The following KCNJ14 variants were observed in gnomAD, a reference collection of about 807,000 sequenced individuals.
The protein encoded by KCNJ14 is potassium inwardly rectifying channel subfamily J member 14.
In KCNJ14, 18 loss-of-function variants were observed where a neutral mutation model predicts 24.5. That is an observed-to-expected ratio of 0.74 (90% CI 0.51 to 1.09). The LOEUF (loss-of-function observed/expected upper bound fraction) is 1.09, where lower values mean the gene tolerates loss of function less well. KCNJ14 is among the 50% of genes least tolerant of loss of function. The pLI is 0.00. For synonymous variants in KCNJ14, 288 were observed against 270.8 expected (o/e 1.06, Z -0.63); for missense variants, 633 against 623.0 (o/e 1.02, Z -0.17).
chr19:48,455,615 A>T lies in KCNJ14; in HGVS notation c.-299A>T, dbSNP rs1203450831. 6.6e-6 allele frequency: 1 copy of T among 152,176 alleles called. No individual in the cohort carries two copies. Among genetic ancestry groups the T allele is most frequent in the African/African-American group, 2.4e-5 (1 of 41,428 alleles). 9.4% of individuals were successfully genotyped at this position (152,176 alleles called of 1,614,324 possible). A position where few individuals can be genotyped will look rare whatever the true frequency, so the allele number is the denominator to read the frequency against. ...GGGAGCTGGGCCATGTTGGCCGCAG[A>T]TGGCCCCCTGGTGAAGGTTCCCGTT... is the stretch of plus-strand genomic sequence containing the variant. On this transcript the variant is annotated 5_prime_UTR_variant, in exon 1 of 3. It removes an upstream start codon present in the reference 5' UTR. Transcript: ENST00000342291.
At chr19:48,463,686 T>G (rs1971625588) in intron 2 of KCNJ14, among the ~76,000 whole-genome samples, 1 of 152,184 alleles carries the variant, frequency 6.6e-6, no homozygotes, top group South Asian at 2.1e-4. Flanking sequence ...GATTTATCTT[T>G]CTCTGGCCAC....
In KCNJ14 at chr19:48,462,351, C is replaced by T. The variant is rs1971611033; in HGVS notation, c.627C>T (p.Arg209=). 2.6e-6 allele frequency: 4 copies of T among 1,541,986 alleles called. No individual in the cohort carries two copies. Among genetic ancestry groups the T allele is most frequent in the Middle Eastern group, 1.9e-4 (1 of 5,318 alleles). ...VFSENAVVAL[R]DHRLCLMWRV... ...GCGAGAACGCCGTCGTGGCGCTGCG[C>T]GACCACCGCCTCTGCCTCATGTGGC... The change falls in exon 2 of 3, where the codon CGC becomes CGT. Residue 209 remains arginine (R), a synonymous_variant. Coordinates refer to ENST00000342291, the MANE Select transcript of KCNJ14 (RefSeq NM_013348.4). This position sits in a 1 kb window ranked among gnomAD's most constrained non-coding sequence, Gnocchi z 4.9.
In KCNJ14 at chr19:48,464,297, G is replaced by T. The variant is rs949961054; in HGVS notation, c.831G>T (p.Glu277Asp). ...FLVSPITIVH[E>D]IDSASPLYEL... Reference sequence around the variant, plus strand: ...TGTCCCCCATCACCATCGTCCATGAGATCGACTCTGCCAGTCCTCTGTATG... The same window carrying T: ...TGTCCCCCATCACCATCGTCCATGATATCGACTCTGCCAGTCCTCTGTATG... Residue 277 changes from glutamate to aspartate, a missense_variant, in exon 3 of 3, where the codon GAG becomes GAT. Physicochemically the swap from Glu to Asp is conservative, Grantham distance 45. Transcript: ENST00000342291. The T allele has an allele frequency of 3.7e-6, 6 of 1,613,970 alleles. No individual in the cohort carries two copies. The highest frequency in any genetic ancestry group is 5.1e-6 in the Non-Finnish European group (6 of 1,179,972).
chr19:48,462,549 C>T lies in KCNJ14; in HGVS notation c.714+111C>T. ...CTGGAGGGGGCGTGGACTACAACTC[C>T]CAGCAGCCTCTTGGGCCTGGGGCCT... On this transcript the variant is annotated intron_variant, in intron 2 of 2. Transcript: ENST00000342291. The surrounding 1 kb of genome is among the most constrained non-coding windows in gnomAD (Gnocchi z 4.9). 1 of 794,036 alleles carries T rather than the reference C, an allele frequency of 1.3e-6. No homozygotes were observed. Among genetic ancestry groups the T allele is most frequent in the Middle Eastern group, 3.7e-4 (1 of 2,698 alleles). The allele number at this position is 794,036 out of a possible 1,614,324, so 49.2% of individuals were successfully genotyped here.
intron 1 of KCNJ14, among the ~76,000 whole-genome samples, chr19:48,459,240 CAAAAAAAA>C (rs748195965): frequency 1.7e-5 from 1 of 59,200 alleles, no homozygotes; most frequent in Non-Finnish European, 3.7e-5. Flanking sequence ...ACTCCGTCTC[CAAAAAAAA>C]AAAAAAAAAA....
In KCNJ14 at chr19:48,464,461, A is replaced by T; in HGVS notation, c.995A>T (p.Glu332Val). The T allele has an allele frequency of 1.2e-6, 2 of 1,613,878 alleles. No individual in the cohort carries two copies. Among genetic ancestry groups the T allele is most frequent in the African/African-American group, 1.3e-5 (1 of 74,954 alleles). The change falls in exon 3 of 3, where the codon GAG (glutamate) becomes GTG (valine). Residue 332 changes from glutamate to valine, a missense_variant. Physicochemically the swap from Glu to Val is moderately radical, Grantham distance 121 (BLOSUM62 -2). Coordinates refer to ENST00000342291, the MANE Select transcript of KCNJ14 (RefSeq NM_013348.4). The stretch of plus-strand genomic sequence containing the variant: ...GAACTGCTCTGGGGCCATCGTTTTG[A>T]GCCAGTTCTCTTCCAGCGTGGCTCC... Reference protein sequence around the residue: ...PGELLWGHRFEPVLFQRGSQY... With the variant: ...PGELLWGHRFVPVLFQRGSQY...
At chr19:48,459,188 C>T (rs1329309250) in intron 1 of KCNJ14, among the ~76,000 whole-genome samples, 13 of 129,556 alleles carry the variant, frequency 1.0e-4, no homozygotes, top group South Asian at 7.7e-4. Flanking sequence ...TGCAGTGAGC[C>T]GAGATGGCGC....
intron 1 of KCNJ14, among the ~76,000 whole-genome samples, chr19:48,457,508 A>C (rs1971552247): frequency 6.6e-6 from 1 of 152,216 alleles, no homozygotes; most frequent in Admixed American, 6.5e-5. Context: ...CTTACAATGG[A>C]GGAAACCGAG....
chr19:48,457,875 G>A lies in KCNJ14; in HGVS notation c.-56+2017G>A, dbSNP rs552130090. On this transcript the variant is annotated intron_variant, in intron 1 of 2. Transcript: ENST00000342291. Reference sequence around the variant, plus strand: ...AATTTTTGTTATTTTTAGTGGAGACGGGGTTTCACCATGTTGGCCAAGCTG... The same window carrying A: ...AATTTTTGTTATTTTTAGTGGAGACAGGGTTTCACCATGTTGGCCAAGCTG... Among the ~76,000 whole-genome samples, 30 of 152,046 alleles carry A rather than the reference G, an allele frequency of 2.0e-4. No homozygotes were observed. The South Asian group carries it at 3.9e-3, about 20-fold the overall frequency.
chr19:48,457,270 C>T (rs998173193), intron 1 of KCNJ14, among the ~76,000 whole-genome samples: 1 of 152,152 alleles, frequency 6.6e-6, no homozygotes, highest in African/African-American at 2.4e-5. Context: ...GCCACCATGC[C>T]CAGCCCCCAG....
At position 48,466,970 on chromosome 19, in the gene KCNJ14, TG is replaced by T. The variant is rs1380290179; in HGVS notation, c.*2196del. The T allele has an allele frequency of 6.6e-6, 1 of 152,210 alleles. No individual in the cohort carries two copies. Among genetic ancestry groups the T allele is most frequent in the Admixed American group, 6.5e-5 (1 of 15,282 alleles). 9.4% of individuals were successfully genotyped at this position (152,210 alleles called of 1,614,324 possible). A position where few individuals can be genotyped will look rare whatever the true frequency, so the allele number is the denominator to read the frequency against. ...AGACCTGTCCCCCAGATTAAAGAAC[TG>T]GGAGCCCTAGCGGATGTGTCTGCGA... is the stretch of plus-strand genomic sequence containing the variant. On this transcript the variant is annotated 3_prime_UTR_variant, in exon 3 of 3. Transcript: ENST00000342291.
chr19:48,464,617 C>T lies in KCNJ14; in HGVS notation c.1151C>T (p.Ser384Phe), dbSNP rs1218371177. The T allele has an allele frequency of 3.1e-6, 5 of 1,614,152 alleles. No individual in the cohort carries two copies. The highest frequency in any genetic ancestry group is 1.7e-5 in the Admixed American group (1 of 60,024). The part of the protein sequence containing the change: ...SHSLKSSFPG[S>F]LTAFCYENEL... Reference sequence around the variant, plus strand: ...AGCCTCAAGTCTAGTTTCCCCGGCTCTCTGACTGCATTTTGTTATGAGAAT... The same window carrying T: ...AGCCTCAAGTCTAGTTTCCCCGGCTTTCTGACTGCATTTTGTTATGAGAAT... Residue 384 changes from serine to phenylalanine, a missense_variant, in exon 3 of 3, where the codon TCT (serine) becomes TTT (phenylalanine). Ser to Phe is a radical substitution (Grantham distance 155). Coordinates refer to ENST00000342291, the MANE Select transcript of KCNJ14 (RefSeq NM_013348.4).
intron 1 of KCNJ14, among the ~76,000 whole-genome samples, chr19:48,458,979 G>A (rs1405050006): frequency 1.5e-5 from 2 of 130,758 alleles, no homozygotes; most frequent in South Asian, 2.6e-4. Flanking sequence ...GGTGGCTCAC[G>A]CCTGTAATCC....
intron 1 of KCNJ14, chr19:48,461,451 T>C (rs1971593661): frequency 6.3e-6 from 2 of 316,184 alleles, no homozygotes; most frequent in Admixed American, 5.0e-5. Flanking sequence ...TCGCTTAAAC[T>C]TGGGACGCGG....
chr19:48,464,151 C>A, intron 2 of KCNJ14, 30 bp from the exon 3 acceptor site: 2 of 1,495,340 alleles, frequency 1.3e-6, no homozygotes, highest in Non-Finnish European at 9.3e-7. Context: ...GTGCTCCCTG[C>A]TGTCTTTGGC....
chr19:48,460,563 A>T (rs147372298), intron 1 of KCNJ14, among the ~76,000 whole-genome samples: 1 of 152,080 alleles, frequency 6.6e-6, no homozygotes, highest in South Asian at 2.1e-4. Flanking sequence ...AGTTGCTTAA[A>T]CTTTCTGTGC....
At position 48,458,625 on chromosome 19, in the gene KCNJ14, G is replaced by T. The variant is rs189986192; in HGVS notation, c.-56+2767G>T. ...GGATTTTGCCATGTTGGCCAGGCTG[G>T]TCTCAAACTCCTGAGCTCAAGTGAT... On this transcript the variant is annotated intron_variant, in intron 1 of 2. Transcript: ENST00000342291. 3.9e-5 allele frequency among the ~76,000 whole-genome samples: 6 copies of T among 152,194 alleles called. No homozygotes were observed. The East Asian group carries it at 1.2e-3, about 29-fold the overall frequency.
chr19:48,464,581 A>G lies in KCNJ14; in HGVS notation c.1115A>G (p.Gln372Arg). The G allele has an allele frequency of 6.2e-7, 1 of 1,614,140 alleles. No individual in the cohort carries two copies. The highest frequency in any genetic ancestry group is 8.5e-7 in the Non-Finnish European group (1 of 1,180,030). ...SAKELDERAEQASHSLKSSFP... is the reference protein window; with the variant it reads ...SAKELDERAERASHSLKSSFP... The stretch of plus-strand genomic sequence containing the variant: ...AAGGAGCTGGATGAACGGGCAGAGC[A>G]GGCTTCCCACAGCCTCAAGTCTAGT... The change falls in exon 3 of 3, where the codon CAG (glutamine) becomes CGG (arginine). Residue 372 changes from glutamine (Q) to arginine (R), a missense_variant. Physicochemically the swap from Gln to Arg is conservative, Grantham distance 43 (BLOSUM62 1). Transcript: ENST00000342291.
At chr19:48,457,815 T>C (rs1971555445) in intron 1 of KCNJ14, among the ~76,000 whole-genome samples, 1 of 152,034 alleles carries the variant, frequency 6.6e-6, no homozygotes, top group African/African-American at 2.4e-5. Context: ...GTAGCTGGGA[T>C]TACAGGTGCG....
Sources: allele counts gnomAD v4.1 joint callset (sites outside exome capture counted in the v4.1 genomes callset), GRCh38; gene constraint gnomAD v4.1.1; non-coding constraint Gnocchi (gnomAD v3.1); transcripts MANE v1.5; gene names NCBI Gene and HGNC (gene_info 2026-07-23, HGNC 2026-07-21).